The following NKAIN2 variants were observed in gnomAD, a reference collection of about 807,000 sequenced individuals.
NKAIN2 encodes the protein sodium/potassium transporting ATPase interacting 2, also known as sodium/potassium-transporting ATPase subunit beta-1-interacting protein 2.
Under a neutral mutation model 32.6 loss-of-function variants are expected in NKAIN2, and 14 were observed. The ratio of observed to expected loss-of-function variants is 0.43; its 90% CI spans 0.28 to 0.67. The LOEUF is 0.67. NKAIN2 is among the 30% of genes least tolerant of loss of function. The pLI is 0.17. For missense variants in NKAIN2, 198 were observed against 258.3 expected (o/e 0.77, Z 1.60); for synonymous variants, 80 against 87.2 (o/e 0.92, Z 0.46).
intron 1 of NKAIN2, among the ~76,000 whole-genome samples, chr6:124,062,640 G>A (rs1782969478): frequency 6.6e-6 from 1 of 152,090 alleles, no homozygotes; most frequent in Non-Finnish European, 1.5e-5. Flanking sequence ...TGTTGTCCAG[G>A]CTGGGCTCAA....
chr6:124,517,784 A>G (rs918468911), intron 3 of NKAIN2, among the ~76,000 whole-genome samples: 4 of 152,228 alleles, frequency 2.6e-5, no homozygotes, highest in African/African-American at 7.2e-5. Context: ...GTTGATTGAT[A>G]TACAAATAAA....
intron 4 of NKAIN2, among the ~76,000 whole-genome samples, chr6:124,786,477 AT>A (rs368336862): frequency 6.6e-6 from 1 of 152,084 alleles, no homozygotes; most frequent in African/African-American, 2.4e-5. Context: ...CTTTGGTTTC[AT>A]TTTTTCTATT....
intron 1 of NKAIN2, among the ~76,000 whole-genome samples, chr6:123,842,505 G>A (rs1774913979): frequency 6.6e-6 from 1 of 152,034 alleles, no homozygotes; most frequent in African/African-American, 2.4e-5. Context: ...TAGTCTTGTT[G>A]GGGGTTAGGA....
intron 1 of NKAIN2, among the ~76,000 whole-genome samples, chr6:123,928,137 T>A (rs72972519): frequency 6.6e-6 from 1 of 152,246 alleles, no homozygotes; most frequent in Non-Finnish European, 1.5e-5. Flanking sequence ...CCTAAGCCAT[T>A]ACTAATGCAG....
intron 1 of NKAIN2, among the ~76,000 whole-genome samples, chr6:123,850,342 G>GAA (rs367601380): frequency 0.054 from 6,961 of 128,832 alleles, 208 homozygotes; most frequent in Middle Eastern, 0.07. Flanking sequence ...GCAAGCTGCT[G>GAA]AAAAAAAAAA....
intron 3 of NKAIN2, among the ~76,000 whole-genome samples, chr6:124,392,980 G>C (rs1246236226): frequency 6.6e-6 from 1 of 152,060 alleles, no homozygotes; most frequent in South Asian, 2.1e-4. Flanking sequence ...ACTCCAGCCT[G>C]GATGACAGAG....
chr6:124,816,977 A>G (rs1469852202), intron 5 of NKAIN2, among the ~76,000 whole-genome samples: 1 of 152,184 alleles, frequency 6.6e-6, no homozygotes, highest in Non-Finnish European at 1.5e-5. Context: ...TTAGTGGTAT[A>G]AAGCAACCAT....
In NKAIN2 at chr6:124,747,369, T is replaced by TG. The variant is rs547152509; in HGVS notation, c.475-43965dup. Among the ~76,000 whole-genome samples, 352 of 151,996 alleles carry TG rather than the reference T, an allele frequency of 2.3e-3. 1 individual carries two copies. Among genetic ancestry groups the TG allele is most frequent in the African/African-American group, 8.2e-3 (339 of 41,522 alleles). ...CAGAAAACACTGTTTTTCCATGATT[T>TG]GGGGGATTCCTCTAGTAATGACTTT... is the stretch of plus-strand genomic sequence containing the variant. On this transcript the variant is annotated intron_variant, in intron 4 of 6. Transcript: ENST00000368417.
At chr6:124,173,773 G>GT (rs950002489) in intron 1 of NKAIN2, among the ~76,000 whole-genome samples, 9 of 151,954 alleles carry the variant, frequency 5.9e-5, no homozygotes, top group African/African-American at 2.2e-4. Context: ...ATTTTTGAAA[G>GT]TTTTTTCAGG....
In NKAIN2 at chr6:124,118,457, GTGGTCATGC is replaced by G. The variant is rs146610844; in HGVS notation, c.55-164546_55-164538del. 5.9e-3 allele frequency among the ~76,000 whole-genome samples: 899 copies of G among 152,152 alleles called. 7 individuals are homozygous for G. Among genetic ancestry groups the G allele is most frequent in the African/African-American group, 0.021 (871 of 41,530 alleles). On this transcript the variant is annotated intron_variant, in intron 1 of 6. Transcript: ENST00000368417. The stretch of plus-strand genomic sequence containing the variant: ...AAAACAAATGATTATAAGATTTGAA[GTGGTCATGC>G]TATTAATACTAATACCTCGGGAGAA...
chr6:124,348,432 C>A (rs1258339285), intron 2 of NKAIN2, among the ~76,000 whole-genome samples: 1 of 152,204 alleles, frequency 6.6e-6, no homozygotes, highest in African/African-American at 2.4e-5. Flanking sequence ...GTCCTGCCCC[C>A]AGAGGTGGAG....
At chr6:123,868,149 T>A (rs542771541) in intron 1 of NKAIN2, among the ~76,000 whole-genome samples, 1 of 152,294 alleles carries the variant, frequency 6.6e-6, no homozygotes, top group East Asian at 1.9e-4. Context: ...ATTACAGGCG[T>A]GAGCCACTGT....
At chr6:124,538,126 T>A (rs1779783780) in intron 3 of NKAIN2, among the ~76,000 whole-genome samples, 1 of 152,108 alleles carries the variant, frequency 6.6e-6, no homozygotes, top group African/African-American at 2.4e-5. Flanking sequence ...TCCTATCCTT[T>A]TATAGTCAAT....
chr6:124,062,430 ATTGTTG>A (rs1782958029), intron 1 of NKAIN2, among the ~76,000 whole-genome samples: 1 of 152,024 alleles, frequency 6.6e-6, no homozygotes, highest in Non-Finnish European at 1.5e-5. Flanking sequence ...TGTTGTTGTT[ATTGTTG>A]TTGTTATTTT....
At chr6:124,769,559 T>C (rs1207968520) in intron 4 of NKAIN2, among the ~76,000 whole-genome samples, 4 of 152,102 alleles carry the variant, frequency 2.6e-5, no homozygotes, top group Non-Finnish European at 5.9e-5. Flanking sequence ...TGAAAGATTA[T>C]AAAAAAACTC....
chr6:124,251,960 A>C (rs1390342609), intron 1 of NKAIN2, among the ~76,000 whole-genome samples: 1 of 152,080 alleles, frequency 6.6e-6, no homozygotes, highest in African/African-American at 2.4e-5. Flanking sequence ...TGAGATGATG[A>C]ATATGCTAAT....
chr6:124,006,064 T>C (rs1056103679), intron 1 of NKAIN2, among the ~76,000 whole-genome samples: 1 of 152,138 alleles, frequency 6.6e-6, no homozygotes, highest in African/African-American at 2.4e-5. Context: ...TTGCGTAGGG[T>C]TTGCTTTAAA....
chr6:124,693,515 G>C (rs1774356832), intron 4 of NKAIN2, among the ~76,000 whole-genome samples: 1 of 152,164 alleles, frequency 6.6e-6, no homozygotes, highest in African/African-American at 2.4e-5. Context: ...ATTCCAAGGT[G>C]ATGTGGTAGG....
In NKAIN2 at chr6:124,397,692, G is replaced by A. The variant is rs192408275; in HGVS notation, c.273+42345G>A. On this transcript the variant is annotated intron_variant, in intron 3 of 6. Transcript: ENST00000368417. ...ATACATTTGAAATTGTTTTCTCATG[G>A]AAATTTGTCCTTATCCATATAACAA... 2.8e-3 allele frequency among the ~76,000 whole-genome samples: 431 copies of A among 152,108 alleles called. 2 individuals carry two copies. Among genetic ancestry groups the A allele is most frequent in the African/African-American group, 9.1e-3 (378 of 41,442 alleles).
Sources: allele counts gnomAD v4.1 joint callset (sites outside exome capture counted in the v4.1 genomes callset), GRCh38; gene constraint gnomAD v4.1.1; transcripts MANE v1.5; gene names NCBI Gene and HGNC (gene_info 2026-07-23, HGNC 2026-07-21).